The following TNPO1 variants were observed in gnomAD, a reference collection of about 807,000 sequenced individuals.
TNPO1 encodes transportin 1, also known as transportin-1.
TNPO1 carries 8 observed loss-of-function variants against 119.5 expected under a neutral mutation model. The observed-to-expected ratio is 0.07, with a 90% CI of 0.04 to 0.12. The LOEUF (loss-of-function observed/expected upper bound fraction) is 0.12, where lower values mean the gene tolerates loss of function less well. Among genes scored for constraint, TNPO1 ranks in the 10% least tolerant of loss-of-function variants. The probability of loss-of-function intolerance (pLI) is 1.00; values close to 1 mark genes in which losing one functional copy is unlikely to be tolerated. For missense variants in TNPO1, 576 were observed against 1,089.8 expected, an observed-to-expected ratio of 0.53 and a Z score of 6.64; for synonymous variants, 362 against 363.0, an observed-to-expected ratio of 1.00 and a Z score of 0.03.
intron 15 of TNPO1, 22 bp from the exon 16 acceptor site, chr5:72,893,117 A>C: frequency 6.3e-7 from 1 of 1,578,722 alleles, no homozygotes; most frequent in Non-Finnish European, 8.7e-7. Context: ...AAAGTTTAGC[A>C]TGTGTACTTT....
At chr5:72,883,444 C>T (rs1425764580) in intron 11 of TNPO1, among the ~76,000 whole-genome samples, 2 of 152,162 alleles carry the variant, frequency 1.3e-5, no homozygotes, top group African/African-American at 4.8e-5. Flanking sequence ...TGTTCACTGG[C>T]TCTGGGCAAC....
chr5:72,862,479 A>G (rs2112315999), intron 5 of TNPO1: 1 of 146,970 alleles, frequency 6.8e-6, no homozygotes, highest in Admixed American at 7.1e-5. Context: ...ATGTACTACC[A>G]TGCTAGACTA....
rs866441445 is a variant in TNPO1, at chr5:72,887,083, T to C, written c.1164T>C (p.Ala388=). The change falls in exon 12 of 25, where the codon GCT becomes GCC. Residue 388 remains alanine (A), a synonymous_variant. Transcript: ENST00000337273. ...ATATTTCCTTAGGAAAATGTTCTGC[T>C]GCTGCCCTGGATGTTCTTGCAAATG... ...ISDWNLRKCS[A]AALDVLANVY... 1 of 1,609,930 alleles carries C rather than the reference T, an allele frequency of 6.2e-7. No individual in the cohort carries two copies.
intron 7 of TNPO1, 72 bp downstream of exon 7, chr5:72,872,792 G>A: frequency 3.7e-6 from 3 of 813,564 alleles, no homozygotes; most frequent in Admixed American, 5.9e-5. Flanking sequence ...GATGCTAACT[G>A]CATGTAGTTT....
At chr5:72,841,508 C>T (rs1467139401) in intron 1 of TNPO1, among the ~76,000 whole-genome samples, 4 of 151,802 alleles carry the variant, frequency 2.6e-5, no homozygotes, top group South Asian at 4.2e-4. Flanking sequence ...CATGCCACCA[C>T]GCCTGGCTAA....
At chr5:72,851,222 C>A in intron 2 of TNPO1, 22 bp from the exon 3 acceptor site, 1 of 1,451,058 alleles carries the variant, frequency 6.9e-7, no homozygotes, top group Non-Finnish European at 9.6e-7. Flanking sequence ...AGAGAAGTTT[C>A]CTTAACTACT....
intron 9 of TNPO1, chr5:72,878,516 T>A (rs538610923): frequency 6.5e-6 from 1 of 154,098 alleles, no homozygotes; most frequent in South Asian, 2.0e-4. Flanking sequence ...CCCAGATGTT[T>A]ATGGTACTTG....
rs747826039 is a variant in TNPO1, at chr5:72,900,929, T to C, written c.2415-45T>C. 2.2e-6 allele frequency: 3 copies of C among 1,338,744 alleles called. No individual in the cohort carries two copies. In the East Asian group the frequency reaches 7.0e-5, roughly 31 times the overall value. 82.9% of individuals were successfully genotyped at this position (1,338,744 alleles called of 1,614,324 possible). ...ACTGTCCATTAGTATTGTCATTGAA[T>C]CTGCTTGTTACTTAAATGCTAAACT... On this transcript the variant is annotated intron_variant, in intron 21 of 24. Transcript: ENST00000337273.
intron 3 of TNPO1, 74 bp downstream of exon 3, chr5:72,851,393 T>G (rs1745538357): frequency 1.1e-6 from 1 of 877,734 alleles, no homozygotes; most frequent in African/African-American, 1.7e-5. Context: ...AATTATTCAT[T>G]TCAAAGGATT....
rs1465280985 is a variant in TNPO1, at chr5:72,913,965, T to C, written c.*5292T>C. ...CAGTTTTACACTTAATATGTTAACA[T>C]TGGGTGCAATAATTTAGTAGCATTA... On this transcript the variant is annotated 3_prime_UTR_variant, in exon 25 of 25. Transcript: ENST00000337273. 3 of 152,600 alleles carry C rather than the reference T, an allele frequency of 2.0e-5. No homozygotes were observed. The highest frequency in any genetic ancestry group is 4.4e-5 in the Non-Finnish European group (3 of 67,984). 9.5% of individuals were successfully genotyped at this position (152,600 alleles called of 1,614,324 possible). A position where few individuals can be genotyped will look rare whatever the true frequency, so the allele number is the denominator to read the frequency against.
intron 1 of TNPO1, chr5:72,848,026 A>G: frequency 9.8e-7 from 1 of 1,024,486 alleles, no homozygotes; most frequent in Non-Finnish European, 1.2e-6. Flanking sequence ...ATCTGGACGG[A>G]ATTAGAGATG....
At chr5:72,904,528 G>A (rs1487158887) in intron 23 of TNPO1, among the ~76,000 whole-genome samples, 3 of 152,160 alleles carry the variant, frequency 2.0e-5, no homozygotes, top group Non-Finnish European at 4.4e-5. Flanking sequence ...GGGCTCAGTG[G>A]CTCACACTTG....
chr5:72,902,742 C>T (rs1749885830), intron 22 of TNPO1, among the ~76,000 whole-genome samples: 1 of 151,950 alleles, frequency 6.6e-6, no homozygotes. Context: ...TATTCACATA[C>T]CTTATTTTGG....
intron 14 of TNPO1, 38 bp from the exon 15 acceptor site, chr5:72,891,772 A>G (rs771263602): frequency 1.4e-6 from 2 of 1,416,082 alleles, no homozygotes; most frequent in South Asian, 1.2e-5. Flanking sequence ...TTGACATGTG[A>G]TAGTGGAATT....
At chr5:72,824,968 C>G (rs1202921799) in intron 1 of TNPO1, among the ~76,000 whole-genome samples, 1 of 152,228 alleles carries the variant, frequency 6.6e-6, no homozygotes, top group East Asian at 1.9e-4. Context: ...CAACTCCGTC[C>G]TCCTGTAGCT....
rs187575308 is a variant in TNPO1 at position 72,896,953 on chromosome 5, A to G, written c.2243-103A>G. The G allele has an allele frequency of 6.9e-4, 366 of 529,192 alleles. 3 individuals are homozygous for G. Among genetic ancestry groups the G allele is most frequent in the African/African-American group, 6.8e-3 (345 of 50,772 alleles). 32.8% of individuals were successfully genotyped at this position (529,192 alleles called of 1,614,324 possible). A position where few individuals can be genotyped will look rare whatever the true frequency, so the allele number is the denominator to read the frequency against. ...TTTAATTATTTGTATTTCTATATTTATATGACATGTCAGAGTTAATACGGG... is the reference window on the plus strand; with the variant it reads ...TTTAATTATTTGTATTTCTATATTTGTATGACATGTCAGAGTTAATACGGG... On this transcript the variant is annotated intron_variant, in intron 19 of 24. Coordinates refer to ENST00000337273, the MANE Select transcript of TNPO1 (RefSeq NM_002270.4).
intron 24 of TNPO1, among the ~76,000 whole-genome samples, chr5:72,908,161 C>G (rs764004447): frequency 6.6e-6 from 1 of 152,098 alleles, no homozygotes; most frequent in Non-Finnish European, 1.5e-5. Flanking sequence ...TGGTAATGAA[C>G]ACTTCTAGTG....
chr5:72,848,290 G>A, intron 1 of TNPO1, 95 bp from the exon 2 acceptor site: 5 of 1,351,476 alleles, frequency 3.7e-6, no homozygotes, highest in Non-Finnish European at 4.8e-6. Flanking sequence ...TGTGGTGGCG[G>A]GGAGAACGGG....
chr5:72,855,676 G>A (rs1745934973), intron 3 of TNPO1, 98 bp from the exon 4 acceptor site: 7 of 1,000,128 alleles, frequency 7.0e-6, no homozygotes, highest in South Asian at 5.2e-5. Context: ...AAGTTTGAAT[G>A]TCAATCAACT....
Sources: gnomAD v4.1 joint callset for allele counts (sites outside exome capture counted in the v4.1 genomes callset) on GRCh38, gnomAD v4.1.1 for gene constraint, MANE v1.5 for transcripts, NCBI Gene and HGNC (gene_info 2026-07-23, HGNC 2026-07-21) for gene names.